Variants in STXBP5L observed in about 807,000 individuals in gnomAD.
STXBP5L encodes the protein syntaxin binding protein 5L, also known as syntaxin-binding protein 5-like.
A neutral mutation model predicts 144.5 loss-of-function variants in STXBP5L; 65 were observed. That is an observed-to-expected ratio of 0.45 (90% confidence interval 0.37 to 0.55). The LOEUF (loss-of-function observed/expected upper bound fraction) is 0.55, where lower values mean the gene tolerates loss of function less well. Among genes scored for constraint, STXBP5L ranks in the 20% least tolerant of loss-of-function variants. The pLI is 0.00. For missense variants in STXBP5L, 1,298 were observed against 1,405.5 expected (o/e 0.92, Z 1.22); for synonymous variants, 505 against 469.6 (o/e 1.08, Z -0.97).
intron 20 of STXBP5L, among the ~76,000 whole-genome samples, chr3:121,344,400 G>T (rs963863808): frequency 1.3e-5 from 2 of 152,004 alleles, no homozygotes; most frequent in Non-Finnish European, 2.9e-5. Flanking sequence ...TTGACAAATG[G>T]GATCTAATTA....
At chr3:121,117,937 A>C (rs2044301820) in intron 6 of STXBP5L, among the ~76,000 whole-genome samples, 1 of 151,838 alleles carries the variant, frequency 6.6e-6, no homozygotes, top group African/African-American at 2.4e-5. Flanking sequence ...GGGAAAATAT[A>C]TACCAGGTGA....
chr3:121,177,865 C>T (rs1056905457), intron 9 of STXBP5L, among the ~76,000 whole-genome samples: 1 of 152,152 alleles, frequency 6.6e-6, no homozygotes, highest in African/African-American at 2.4e-5. Context: ...CCAAAAGAAG[C>T]AAGCAACTGA....
intron 5 of STXBP5L, among the ~76,000 whole-genome samples, chr3:121,061,797 T>C (rs1311909020): frequency 6.6e-6 from 1 of 152,186 alleles, no homozygotes; most frequent in Non-Finnish European, 1.5e-5. Context: ...CAACCCCTGC[T>C]TTATTTTGCT....
At chr3:120,915,377 T>C (rs530902371) in intron 2 of STXBP5L, among the ~76,000 whole-genome samples, 1 of 152,288 alleles carries the variant, frequency 6.6e-6, no homozygotes, top group African/African-American at 2.4e-5. Context: ...TGATTTCCTG[T>C]ATTATAGTTC....
At chr3:121,200,848 C>A (rs555018336) in intron 9 of STXBP5L, among the ~76,000 whole-genome samples, 1 of 152,144 alleles carries the variant, frequency 6.6e-6, no homozygotes, top group Non-Finnish European at 1.5e-5. Flanking sequence ...GTCTGAGAGA[C>A]TGTTTGTTAT....
intron 2 of STXBP5L, among the ~76,000 whole-genome samples, chr3:120,932,959 A>G (rs1463307201): frequency 6.7e-6 from 1 of 150,234 alleles, no homozygotes; most frequent in Non-Finnish European, 1.5e-5. Context: ...AAAAAACCAA[A>G]CACCACATGT....
At chr3:121,176,032 A>C (rs536951465) in intron 9 of STXBP5L, among the ~76,000 whole-genome samples, 34 of 152,208 alleles carry the variant, frequency 2.2e-4, no homozygotes, top group African/African-American at 7.7e-4. Context: ...CTAACTGTGT[A>C]TGTACCTAAG....
chr3:121,272,298 G>T (rs571892301), intron 18 of STXBP5L, among the ~76,000 whole-genome samples: 3 of 152,192 alleles, frequency 2.0e-5, no homozygotes, highest in Admixed American at 1.3e-4. Flanking sequence ...TACATATTTA[G>T]GTATTCTGAT....
chr3:121,078,348 G>A (rs542164165), intron 5 of STXBP5L, among the ~76,000 whole-genome samples: 156 of 152,282 alleles, frequency 1.0e-3, no homozygotes, highest in African/African-American at 3.6e-3. Context: ...ACAGGGTGCT[G>A]ATTGGTGTGT....
At chr3:121,087,426 G>A (rs1035004159) in intron 5 of STXBP5L, among the ~76,000 whole-genome samples, 1 of 151,642 alleles carries the variant, frequency 6.6e-6, no homozygotes, top group African/African-American at 2.4e-5. Flanking sequence ...ATTATTATTT[G>A]GTGTCCCTCT....
chr3:121,019,489 T>G (rs1348219145), intron 3 of STXBP5L, among the ~76,000 whole-genome samples: 1 of 151,974 alleles, frequency 6.6e-6, no homozygotes, highest in Admixed American at 6.6e-5. Context: ...TTACCAAAAA[T>G]ACAACCAAGG....
chr3:120,970,627 T>C (rs1940139148), intron 3 of STXBP5L, among the ~76,000 whole-genome samples: 1 of 152,142 alleles, frequency 6.6e-6, no homozygotes, highest in South Asian at 2.1e-4. Flanking sequence ...CTGATTATGA[T>C]ATGCCTTAGA....
chr3:120,976,208 G>T (rs935250283), intron 3 of STXBP5L, among the ~76,000 whole-genome samples: 41 of 152,138 alleles, frequency 2.7e-4, no homozygotes, highest in African/African-American at 8.9e-4. Context: ...ATTGATTATT[G>T]CCACAGTTTC....
intron 18 of STXBP5L, among the ~76,000 whole-genome samples, chr3:121,259,851 T>G (rs1289658783): frequency 6.6e-6 from 1 of 151,918 alleles, no homozygotes; most frequent in African/African-American, 2.4e-5. Context: ...AATTTGAGGT[T>G]CTAGATGATA....
chr3:121,012,381 G>A (rs991370387), intron 3 of STXBP5L, among the ~76,000 whole-genome samples: 7 of 151,804 alleles, frequency 4.6e-5, no homozygotes, highest in Non-Finnish European at 7.4e-5. Flanking sequence ...ATTATGAGGA[G>A]CTGCTATTAT....
chr3:121,099,495 T>A (rs1445383580), intron 5 of STXBP5L: 1 of 152,316 alleles, frequency 6.6e-6, no homozygotes, highest in Admixed American at 6.6e-5. Flanking sequence ...CAGTGAACAC[T>A]TATGCCCAAG....
intron 20 of STXBP5L, among the ~76,000 whole-genome samples, chr3:121,342,535 C>A (rs944465043): frequency 3.4e-4 from 48 of 141,216 alleles, no homozygotes; most frequent in African/African-American, 1.0e-3. Context: ...GTGTGATGTT[C>A]CCCTTCCTGT....
At chr3:121,418,274 G>T (rs2047284399) in intron 25 of STXBP5L, 63 bp from the exon 26 acceptor site, 1 of 1,510,684 alleles carries the variant, frequency 6.6e-7, no homozygotes, top group South Asian at 1.3e-5. Flanking sequence ...TTGTCTTGGT[G>T]ACAAGCTTGA....
At chr3:121,266,363 AC>A (rs933662935) in intron 18 of STXBP5L, among the ~76,000 whole-genome samples, 2 of 152,180 alleles carry the variant, frequency 1.3e-5, no homozygotes. Context: ...CATAAACAGA[AC>A]CAATGACAAC....
Sources: allele counts gnomAD v4.1 joint callset (sites outside exome capture counted in the v4.1 genomes callset), GRCh38; gene constraint gnomAD v4.1.1; transcripts MANE v1.5; gene names NCBI Gene and HGNC (gene_info 2026-07-23, HGNC 2026-07-21).